The following ESR1 variants were observed in gnomAD, a reference collection of about 807,000 sequenced individuals.
ESR1 encodes the protein estrogen receptor.
ESR1 carries 12 observed loss-of-function variants against 52.7 expected under a neutral mutation model. The observed-to-expected ratio is 0.23, with a 90% CI of 0.15 to 0.37. ESR1 has a LOEUF of 0.37. Ranked by LOEUF, ESR1 falls within the 10% of genes least tolerant of loss-of-function variation. The pLI, the probability that ESR1 is intolerant of heterozygous loss-of-function variation, is 1.00. For synonymous variants in ESR1, 305 were observed against 316.8 expected (o/e 0.96, Z 0.39); for missense variants, 584 against 779.7 (o/e 0.75, Z 2.99).
chr6:151,825,039 ATTATC>A (rs1781257964), intron 1 of ESR1, among the ~76,000 whole-genome samples: 1 of 152,142 alleles, frequency 6.6e-6, no homozygotes, highest in South Asian at 2.1e-4. Context: ...TCTTGGGGAA[ATTATC>A]TTATTTTTTA....
intron 1 of ESR1, among the ~76,000 whole-genome samples, chr6:151,657,688 C>T (rs1777502915): frequency 6.6e-6 from 1 of 152,064 alleles, no homozygotes; most frequent in Non-Finnish European, 1.5e-5. Flanking sequence ...TCTGAAAAGG[C>T]CCCAGAAGGA....
chr6:151,668,422 G>GTGCC (rs1201956887), intron 1 of ESR1, among the ~76,000 whole-genome samples: 1 of 152,042 alleles, frequency 6.6e-6, no homozygotes, highest in Non-Finnish European at 1.5e-5. Context: ...GGGACTACAG[G>GTGCC]TGCCCGCCCG....
At chr6:151,934,785 C>T (rs910570662) in intron 3 of ESR1, among the ~76,000 whole-genome samples, 2 of 152,170 alleles carry the variant, frequency 1.3e-5, no homozygotes, top group Non-Finnish European at 2.9e-5. Flanking sequence ...AGGATGTGTG[C>T]AATTTGTAAT....
chr6:151,878,874 T>C (rs964466318), intron 2 of ESR1, among the ~76,000 whole-genome samples: 1 of 152,178 alleles, frequency 6.6e-6, no homozygotes, highest in Non-Finnish European at 1.5e-5. Context: ...CAGATTTATT[T>C]TGAGGGATAA....
At chr6:151,762,188 G>A (rs989508107) in intron 2 of ESR1, among the ~76,000 whole-genome samples, 3 of 152,174 alleles carry the variant, frequency 2.0e-5, no homozygotes, top group African/African-American at 7.2e-5. Flanking sequence ...TAACTTAAAT[G>A]AAGGAGAAAA....
chr6:151,808,202 T>TC lies in ESR1; in HGVS notation c.296dup (p.Leu100ThrfsTer57). On this transcript the variant is annotated frameshift_variant, in exon 1 of 8. Transcript: ENST00000206249. LOFTEE classifies it high-confidence loss of function. ...TTCGGCTCCAACGGCCTGGGGGGTTTCCCCCCACTCAACAGCGTGTCTCCG... is the reference window on the plus strand; with the variant it reads ...TTCGGCTCCAACGGCCTGGGGGGTTTCCCCCCCACTCAACAGCGTGTCTCCG... 2 of 1,571,488 alleles carry TC rather than the reference T, an allele frequency of 1.3e-6. No individual in the cohort carries two copies. The highest frequency in any genetic ancestry group is 1.7e-6 in the Non-Finnish European group (2 of 1,158,752).
chr6:151,977,963 G>GAAAAAAAAAAAAAAAAAAAAA (rs5880951), intron 4 of ESR1, among the ~76,000 whole-genome samples: 5 of 118,354 alleles, frequency 4.2e-5, no homozygotes, highest in African/African-American at 6.5e-5. Flanking sequence ...AAAAAAAAAA[G>GAAAAAAAAAAAAAAAAAAAAA]AAAAAAAAAA....
At chr6:152,091,769 G>A (rs2474148) in intron 6 of ESR1, among the ~76,000 whole-genome samples, 1 of 151,842 alleles carries the variant, frequency 6.6e-6, no homozygotes, top group African/African-American at 2.4e-5. Flanking sequence ...AGAGAAGAGA[G>A]GCACACATGT....
Position 151,685,315 on chromosome 6 carries a change from A to G in ESR1, n.74-16560A>G, listed in dbSNP as rs1458888285. 2.0e-5 allele frequency among the ~76,000 whole-genome samples: 3 copies of G among 149,622 alleles called. No homozygotes were observed. The East Asian group carries it at 5.9e-4, about 29-fold the overall frequency. ...CGCCCGGCTAATTTTTTGTATTTTT[A>G]GTAGAGACGGGGTTTCACCTTGTTA... On this transcript the variant is annotated intron_variant and non_coding_transcript_variant, in intron 1 of 2. Transcript: ENST00000473497.
chr6:151,822,313 C>T (rs1041746693), intron 1 of ESR1, among the ~76,000 whole-genome samples: 1 of 152,176 alleles, frequency 6.6e-6, no homozygotes, highest in Admixed American at 6.5e-5. Flanking sequence ...CTTCACATTT[C>T]TTTTCCTTTC....
intron 1 of ESR1, among the ~76,000 whole-genome samples, chr6:151,685,446 C>T (rs851991): frequency 0.42 from 63,457 of 151,926 alleles, 13,776 homozygotes; most frequent in Non-Finnish European, 0.47. Flanking sequence ...GGCCTCTTGT[C>T]CTTAGAGGAA....
chr6:151,822,241 A>G (rs544388362), intron 1 of ESR1, among the ~76,000 whole-genome samples: 6 of 152,348 alleles, frequency 3.9e-5, no homozygotes, highest in Admixed American at 1.3e-4. Flanking sequence ...TATGACTTTT[A>G]TACATGTAGA....
At chr6:151,755,012 G>A (rs906727961) in intron 2 of ESR1, among the ~76,000 whole-genome samples, 1 of 152,112 alleles carries the variant, frequency 6.6e-6, no homozygotes, top group Non-Finnish European at 1.5e-5. Flanking sequence ...AGGAGTTCGA[G>A]ACCAGTCTGG....
intron 5 of ESR1, among the ~76,000 whole-genome samples, chr6:152,018,413 T>A (rs61552252): frequency 0.025 from 3,707 of 150,718 alleles, 129 homozygotes; most frequent in African/African-American, 0.084. Context: ...GATTTTTTAC[T>A]TGGAAGAATG....
At chr6:151,714,881 T>C (rs1043237737) in intron 2 of ESR1, among the ~76,000 whole-genome samples, 2 of 152,216 alleles carry the variant, frequency 1.3e-5, no homozygotes, top group Admixed American at 6.5e-5. Context: ...CCTGTCATTA[T>C]GATGCTAGCT....
rs769576266 is a variant in ESR1, at chr6:152,094,578, C to T, written c.1553+10C>T. ...ACATCAGGCACATGAGGTGAGGCAT[C>T]TGTGGGCTTCCTACAGGAGAGACAT... On this transcript the variant is annotated intron_variant, in intron 7 of 7. Coordinates refer to ENST00000206249, the MANE Select transcript of ESR1 (RefSeq NM_000125.4). The surrounding 1 kb of genome is among the most constrained non-coding windows in gnomAD (Gnocchi z 4.6). 1.1e-5 allele frequency: 18 copies of T among 1,613,120 alleles called. 1 individual carries two copies. The South Asian group carries it at 1.9e-4, about 17-fold the overall frequency.
chr6:151,677,220 G>C (rs1047709309), intron 1 of ESR1, among the ~76,000 whole-genome samples: 1 of 152,196 alleles, frequency 6.6e-6, no homozygotes, highest in Non-Finnish European at 1.5e-5. Flanking sequence ...TAGAAAATTT[G>C]TGGTTAGAGA....
intron 2 of ESR1, among the ~76,000 whole-genome samples, chr6:151,769,593 G>A (rs1785343822): frequency 6.6e-6 from 1 of 152,188 alleles, no homozygotes; most frequent in Non-Finnish European, 1.5e-5. Context: ...AAAAGTAATT[G>A]AATGTGGATG....
At chr6:151,667,196 G>A (rs191874992) in intron 1 of ESR1, among the ~76,000 whole-genome samples, 60 of 152,212 alleles carry the variant, frequency 3.9e-4, no homozygotes, top group Admixed American at 9.8e-4. Flanking sequence ...CTTCCACATG[G>A]AGTTTGTATG....
Sources: gnomAD v4.1 joint callset for allele counts (sites outside exome capture counted in the v4.1 genomes callset) on GRCh38, gnomAD v4.1.1 for gene constraint, Gnocchi (gnomAD v3.1) non-coding constraint, MANE v1.5 for transcripts, NCBI Gene and HGNC (gene_info 2026-07-23, HGNC 2026-07-21) for gene names.